Variants in SP4 observed in about 807,000 individuals in gnomAD.
The protein encoded by SP4 is transcription factor Sp4.
A neutral mutation model predicts 72.8 loss-of-function variants in SP4; 19 were observed. The observed-to-expected ratio is 0.26, with a 90% CI of 0.18 to 0.38. SP4 has a LOEUF of 0.38. Ranked by LOEUF, SP4 falls within the 10% of genes least tolerant of loss-of-function variation. SP4 has a pLI of 1.00. For synonymous variants in SP4, 395 were observed against 333.1 expected, an observed-to-expected ratio of 1.19 and a Z score of -2.02; for missense variants, 1,008 against 926.3, an observed-to-expected ratio of 1.09 and a Z score of -1.14.
rs763142203 is a variant in SP4, at chr7:21,482,073, A to G, written c.2057A>G (p.Lys686Arg). Residue 686 changes from lysine (K) to arginine (R), a missense_variant, in exon 5 of 6, where the codon AAA becomes AGA. By Grantham distance (26) the Lys-to-Arg change is conservative. Around this residue, in one of 3 missense-constraint regions of SP4, gnomAD observed 48 missense variants for 117.0 expected, o/e 0.41. Coordinates refer to ENST00000222584, the MANE Select transcript of SP4 (RefSeq NM_003112.5). Reference protein sequence around the residue: ...PFICNWMFCGKRFTRSDELQR... With the variant: ...PFICNWMFCGRRFTRSDELQR... ...ATATGCAACTGGATGTTTTGTGGCA[A>G]AAGATTCACACGGAGTGATGAGCTC... 1 of 1,614,110 alleles carries G rather than the reference A, an allele frequency of 6.2e-7. No individual in the cohort carries two copies.
At chr7:21,502,063 A>G (rs1179450091) in intron 5 of SP4, among the ~76,000 whole-genome samples, 2 of 80,064 alleles carry the variant, frequency 2.5e-5, no homozygotes, top group Non-Finnish European at 4.2e-5. Context: ...CGGAACTCCT[A>G]TAGAGTTAAC....
At chr7:21,440,473 T>A (rs1229621586) in intron 3 of SP4, among the ~76,000 whole-genome samples, 1 of 152,090 alleles carries the variant, frequency 6.6e-6, no homozygotes, top group Non-Finnish European at 1.5e-5. Context: ...GAAATTTGTA[T>A]AAGAGGAATT....
At chr7:21,441,617 A>G (rs1044436580) in intron 3 of SP4, among the ~76,000 whole-genome samples, 3 of 152,244 alleles carry the variant, frequency 2.0e-5, no homozygotes, top group Non-Finnish European at 4.4e-5. Context: ...TGTAGATAAA[A>G]GTGTAGAAAA....
At chr7:21,482,854 G>C (rs1784722616) in intron 5 of SP4, 1 of 551,992 alleles carries the variant, frequency 1.8e-6, no homozygotes, top group Non-Finnish European at 2.3e-6. Context: ...GAATTTCCTT[G>C]AACTGCTATA....
Position 21,428,177 on chromosome 7 carries a change from C to CCAA in SP4, c.-74_-73insAAC. On this transcript the variant is annotated 5_prime_UTR_variant, in exon 1 of 6. Transcript: ENST00000222584. The stretch of plus-strand genomic sequence containing the variant: ...CCGCGGGCGGGCGGGACCGGCCTCT[C>CCAA]CTCCCGCCTCGCCCCCACCCCCACC... 2 of 709,348 alleles carry CCAA rather than the reference C, an allele frequency of 2.8e-6. No homozygotes were observed. Among genetic ancestry groups the CCAA allele is most frequent in the Non-Finnish European group, 5.1e-6 (2 of 388,768 alleles). The allele number at this position is 709,348 out of a possible 1,614,324, so 43.9% of individuals were successfully genotyped here. A position where few individuals can be genotyped will look rare whatever the true frequency, so the allele number is the denominator to read the frequency against.
In SP4 at chr7:21,430,613, T is replaced by G. The variant is rs1782810798; in HGVS notation, c.1448T>G (p.Leu483Trp). The part of the protein sequence containing the change: ...QVQNIQSLSN[L>W]QVQNAGLSQQ... Reference sequence around the variant, plus strand: ...CAGAATATTCAGAGTCTTTCAAATTTGCAAGTTCAGAATGCTGGGTTATCC... The same window carrying G: ...CAGAATATTCAGAGTCTTTCAAATTGGCAAGTTCAGAATGCTGGGTTATCC... The change falls in exon 3 of 6, where the codon TTG (leucine) becomes TGG (tryptophan). Residue 483 changes from leucine (L) to tryptophan (W), a missense_variant. Physicochemically the swap from Leu to Trp is moderately conservative, Grantham distance 61. Coordinates refer to ENST00000222584, the MANE Select transcript of SP4 (RefSeq NM_003112.5). 1 of 1,614,142 alleles carries G rather than the reference T, an allele frequency of 6.2e-7. No homozygotes were observed. Among genetic ancestry groups the G allele is most frequent in the Non-Finnish European group, 8.5e-7 (1 of 1,180,060 alleles).
intron 3 of SP4, among the ~76,000 whole-genome samples, chr7:21,473,176 G>T (rs542770977): frequency 1.1e-3 from 166 of 152,280 alleles, no homozygotes; most frequent in African/African-American, 3.6e-3. Flanking sequence ...CAAGGGCTTG[G>T]ATCAAGATGA....
chr7:21,495,079 A>G (rs1785074813), intron 5 of SP4, among the ~76,000 whole-genome samples: 1 of 152,188 alleles, frequency 6.6e-6, no homozygotes, highest in African/African-American at 2.4e-5. Context: ...TACAAAAACT[A>G]ACTCCAAGTG....
At chr7:21,478,359 A>G (rs1482093588) in intron 4 of SP4, among the ~76,000 whole-genome samples, 1 of 152,186 alleles carries the variant, frequency 6.6e-6, no homozygotes, top group East Asian at 1.9e-4. Context: ...ATATGTTTTC[A>G]TTTCTCTTGT....
At chr7:21,442,290 T>C (rs969268574) in intron 3 of SP4, among the ~76,000 whole-genome samples, 1 of 152,156 alleles carries the variant, frequency 6.6e-6, no homozygotes, top group South Asian at 2.1e-4. Flanking sequence ...TCCACCCGCC[T>C]CAGCCTTCCT....
At chr7:21,438,671 G>T (rs918512392) in intron 3 of SP4, among the ~76,000 whole-genome samples, 2 of 151,834 alleles carry the variant, frequency 1.3e-5, no homozygotes, top group Non-Finnish European at 1.5e-5. Context: ...GGTCAACTAT[G>T]GTCCAAAAAT....
At chr7:21,452,686 C>T (rs1446851846) in intron 3 of SP4, among the ~76,000 whole-genome samples, 2 of 152,056 alleles carry the variant, frequency 1.3e-5, no homozygotes, top group African/African-American at 2.4e-5. Flanking sequence ...ACTATATTGC[C>T]ATTAGTTAAG....
At position 21,429,023 on chromosome 7, in the gene SP4, C is replaced by G. The variant is rs896408276; in HGVS notation, c.123+231C>G. ...CTATAAGAAAACGGTGTGTGTGTTC[C>G]CAAGGGCATTTTGAGTTTAGGAACA... On this transcript the variant is annotated intron_variant, in intron 2 of 5. Transcript: ENST00000222584. The G allele has an allele frequency of 8.8e-6, 5 of 570,898 alleles. No homozygotes were observed. The African/African-American group carries it at 9.5e-5, about 11-fold the overall frequency. 35.4% of individuals were successfully genotyped at this position (570,898 alleles called of 1,614,324 possible). A position where few individuals can be genotyped will look rare whatever the true frequency, so the allele number is the denominator to read the frequency against.
At chr7:21,451,262 C>T (rs371854046) in intron 3 of SP4, among the ~76,000 whole-genome samples, 132 of 152,344 alleles carry the variant, frequency 8.7e-4, no homozygotes, top group Middle Eastern at 3.4e-3. Flanking sequence ...CAGGAAGCTG[C>T]TGATTGCCAG....
At chr7:21,501,774 T>C (rs925350622) in intron 5 of SP4, among the ~76,000 whole-genome samples, 11 of 152,218 alleles carry the variant, frequency 7.2e-5, no homozygotes, top group Non-Finnish European at 1.5e-4. Flanking sequence ...GGAATGAAAG[T>C]ACAACATTTC....
intron 3 of SP4, among the ~76,000 whole-genome samples, chr7:21,466,093 C>A (rs1035231020): frequency 6.6e-6 from 1 of 152,114 alleles, no homozygotes; most frequent in Admixed American, 6.5e-5. Context: ...AATCACTGTC[C>A]TCTCTGTTAA....
rs1346291512 is a variant in SP4, at chr7:21,430,318, A to C, written c.1153A>C (p.Asn385His). The change falls in exon 3 of 6, where the codon AAT (asparagine) becomes CAT (histidine). Residue 385 changes from asparagine (N) to histidine (H), a missense_variant. Physicochemically the swap from Asn to His is moderately conservative, Grantham distance 68. Coordinates refer to ENST00000222584, the MANE Select transcript of SP4 (RefSeq NM_003112.5). ...SSQLQPNGMQNAQDQSNSLQQ... is the reference protein window; with the variant it reads ...SSQLQPNGMQHAQDQSNSLQQ... ...TCAGCTTCAGCCTAATGGAATGCAG[A>C]ATGCACAGGATCAATCAAATTCTCT... is the stretch of plus-strand genomic sequence containing the variant. 1.2e-6 allele frequency: 2 copies of C among 1,614,120 alleles called. No individual in the cohort carries two copies. Among genetic ancestry groups the C allele is most frequent in the Admixed American group, 1.7e-5 (1 of 60,010 alleles).
At chr7:21,465,632 T>C (rs1018514035) in intron 3 of SP4, among the ~76,000 whole-genome samples, 1 of 152,216 alleles carries the variant, frequency 6.6e-6, no homozygotes, top group African/African-American at 2.4e-5. Context: ...TTAACAAGGA[T>C]TCCCTCTCTC....
intron 5 of SP4, among the ~76,000 whole-genome samples, chr7:21,502,067 A>C (rs955087456): frequency 1.9e-5 from 2 of 105,996 alleles, no homozygotes; most frequent in Non-Finnish European, 3.4e-5. Context: ...ACTCCTATAG[A>C]GTTAACATAT....
Sources: gnomAD v4.1 joint callset for allele counts (sites outside exome capture counted in the v4.1 genomes callset) on GRCh38, gnomAD v4.1.1 for gene constraint, gnomAD v4.1.1 regional missense constraint, MANE v1.5 for transcripts, NCBI Gene and HGNC (gene_info 2026-07-23, HGNC 2026-07-21) for gene names.